CCSER1: variants seen among roughly 807,000 people sequenced by gnomAD.
CCSER1 encodes the protein serine-rich coiled-coil domain-containing protein 1.
A neutral mutation model predicts 82.0 loss-of-function variants in CCSER1; 41 were observed. The observed-to-expected ratio is 0.50, with a 90% CI of 0.39 to 0.65. CCSER1 has a LOEUF of 0.65. CCSER1 is among the 30% of genes least tolerant of loss of function. The pLI is 0.00. For synonymous variants in CCSER1, 414 were observed against 383.9 expected (o/e 1.08, Z -0.92); for missense variants, 1,119 against 1,064.2 (o/e 1.05, Z -0.72).
intron 10 of CCSER1, among the ~76,000 whole-genome samples, chr4:91,154,161 G>T (rs564093446): frequency 6.6e-6 from 1 of 152,052 alleles, no homozygotes; most frequent in African/African-American, 2.4e-5. Context: ...GCTCCACCCA[G>T]TTGAAGCTTC....
At chr4:91,396,134 G>T (rs962427092) in intron 10 of CCSER1, among the ~76,000 whole-genome samples, 3 of 152,044 alleles carry the variant, frequency 2.0e-5, no homozygotes, top group Non-Finnish European at 4.4e-5. Context: ...ATTGCCTGAG[G>T]CAACCAACTG....
In CCSER1 at chr4:91,581,321, G is replaced by A. The variant is rs578225594; in HGVS notation, c.2218-17251G>A. On this transcript the variant is annotated intron_variant, in intron 10 of 10. Coordinates refer to ENST00000509176, the MANE Select transcript of CCSER1 (RefSeq NM_001145065.2). The stretch of plus-strand genomic sequence containing the variant: ...TTTATTTCATATACACGTTTTTCTT[G>A]CTCAGTGTTTTTGGTATAGCAAATT... Among the ~76,000 whole-genome samples, 42 of 151,712 alleles carry A rather than the reference G, an allele frequency of 2.8e-4. No individual in the cohort carries two copies. In the East Asian group the frequency reaches 5.6e-3, roughly 20 times the overall value.
intron 10 of CCSER1, among the ~76,000 whole-genome samples, chr4:91,495,114 T>C (rs1448485928): frequency 1.3e-5 from 2 of 151,682 alleles, no homozygotes; most frequent in African/African-American, 4.8e-5. Flanking sequence ...GAAAAAATAT[T>C]TTAACTTGTG....
intron 10 of CCSER1, among the ~76,000 whole-genome samples, chr4:91,135,876 G>C (rs561701951): frequency 5.3e-5 from 8 of 152,082 alleles, no homozygotes; most frequent in Non-Finnish European, 1.2e-4. Flanking sequence ...ATCTATATTT[G>C]ATGGTCCTGT....
chr4:91,265,102 C>G (rs2149171861), intron 10 of CCSER1, among the ~76,000 whole-genome samples: 1 of 152,042 alleles, frequency 6.6e-6, no homozygotes, highest in East Asian at 1.9e-4. Flanking sequence ...AGATATCTCA[C>G]TAGAATTTTC....
At chr4:90,443,640 C>T (rs1760219976) in intron 4 of CCSER1, among the ~76,000 whole-genome samples, 1 of 151,958 alleles carries the variant, frequency 6.6e-6, no homozygotes, top group African/African-American at 2.4e-5. Flanking sequence ...TACTTGTTTG[C>T]TAAAGGATAA....
intron 7 of CCSER1, among the ~76,000 whole-genome samples, chr4:90,803,290 G>A (rs1757059692): frequency 6.6e-6 from 1 of 152,044 alleles, no homozygotes; most frequent in African/African-American, 2.4e-5. Flanking sequence ...GTATACATGT[G>A]CCACAGTGGT....
intron 6 of CCSER1, among the ~76,000 whole-genome samples, chr4:90,656,032 T>C (rs1729639139): frequency 6.6e-6 from 1 of 151,958 alleles, no homozygotes; most frequent in African/African-American, 2.4e-5. Context: ...TTCATTCTCT[T>C]CTACCCTTAC....
intron 2 of CCSER1, among the ~76,000 whole-genome samples, chr4:90,311,146 T>G (rs1319671961): frequency 1.3e-5 from 2 of 152,130 alleles, no homozygotes; most frequent in African/African-American, 4.8e-5. Context: ...AAATTTATAA[T>G]AAGTTAAATA....
intron 5 of CCSER1, among the ~76,000 whole-genome samples, chr4:90,567,609 ATT>A (rs34322120): frequency 5.5e-4 from 68 of 123,642 alleles, no homozygotes; most frequent in African/African-American, 5.0e-4. Flanking sequence ...TTTTTTAATG[ATT>A]TTTTTTTTTT....
At position 90,967,893 on chromosome 4, in the gene CCSER1, A is replaced by G. The variant is rs188470719; in HGVS notation, c.2172+44446A>G. ...AATGGGATAAATAATCCAAAAATAG[A>G]CACACTGAAAAAAGTAAGAAGAACA... On this transcript the variant is annotated intron_variant, in intron 9 of 10. Coordinates refer to ENST00000509176, the MANE Select transcript of CCSER1 (RefSeq NM_001145065.2). 4.6e-5 allele frequency among the ~76,000 whole-genome samples: 7 copies of G among 152,214 alleles called. No individual in the cohort carries two copies. In the East Asian group the frequency reaches 1.4e-3, roughly 29 times the overall value.
intron 5 of CCSER1, among the ~76,000 whole-genome samples, chr4:90,493,503 C>A (rs1252226690): frequency 6.6e-6 from 1 of 152,146 alleles, no homozygotes; most frequent in Non-Finnish European, 1.5e-5. Flanking sequence ...ATGTTAAGGG[C>A]AGCCAGAGAG....
At chr4:91,568,861 T>A (rs1310027971) in intron 10 of CCSER1, among the ~76,000 whole-genome samples, 1 of 152,140 alleles carries the variant, frequency 6.6e-6, no homozygotes, top group Admixed American at 6.6e-5. Flanking sequence ...CAGTTCAGCC[T>A]GGTTAAAAAA....
intron 10 of CCSER1, among the ~76,000 whole-genome samples, chr4:91,198,930 T>C (rs1429212872): frequency 6.6e-6 from 1 of 152,164 alleles, no homozygotes; most frequent in Admixed American, 6.6e-5. Flanking sequence ...TCTCTTTCCC[T>C]TTCTCTTTCT....
intron 3 of CCSER1, among the ~76,000 whole-genome samples, chr4:90,359,879 G>GTA (rs202216084): frequency 0.57 from 82,339 of 144,858 alleles, 24,115 homozygotes; most frequent in African/African-American, 0.68. Context: ...ATATATGTGT[G>GTA]TATATATATG....
intron 9 of CCSER1, among the ~76,000 whole-genome samples, chr4:90,967,908 TAAG>T (rs894743943): frequency 1.5e-4 from 23 of 152,008 alleles, no homozygotes; most frequent in African/African-American, 4.8e-4. Flanking sequence ...CTGAAAAAAG[TAAG>T]AAGAACAGTT....
intron 7 of CCSER1, among the ~76,000 whole-genome samples, chr4:90,787,398 T>TC (rs1754659165): frequency 6.6e-6 from 1 of 152,194 alleles, no homozygotes; most frequent in African/African-American, 2.4e-5. Context: ...ATATATTCAA[T>TC]CATAACACTA....
intron 9 of CCSER1, among the ~76,000 whole-genome samples, chr4:90,969,989 C>CA (rs34201664): frequency 0.14 from 19,714 of 145,142 alleles, 1,497 homozygotes; most frequent in East Asian, 0.24. Flanking sequence ...TATACCACCG[C>CA]AAAAAAAAAA....
chr4:91,263,207 A>G (rs1439839815), intron 10 of CCSER1, among the ~76,000 whole-genome samples: 1 of 152,080 alleles, frequency 6.6e-6, no homozygotes, highest in Non-Finnish European at 1.5e-5. Context: ...GATTTGCCTC[A>G]ATAAACTCGA....
Sources: gnomAD v4.1 joint callset for allele counts (sites outside exome capture counted in the v4.1 genomes callset) on GRCh38, gnomAD v4.1.1 for gene constraint, MANE v1.5 for transcripts, NCBI Gene and HGNC (gene_info 2026-07-23, HGNC 2026-07-21) for gene names.